Variants in NOS1AP observed in about 807,000 individuals in gnomAD.
NOS1AP encodes the protein carboxyl-terminal PDZ ligand of neuronal nitric oxide synthase protein.
In NOS1AP, 21 loss-of-function variants were observed where a neutral mutation model predicts 56.2. That is an observed-to-expected ratio of 0.37 (90% CI 0.26 to 0.54). The LOEUF (loss-of-function observed/expected upper bound fraction) is 0.54, where lower values mean the gene tolerates loss of function less well. NOS1AP is among the 20% of genes least tolerant of loss of function. The probability of loss-of-function intolerance (pLI) is 0.84; values close to 1 mark genes in which losing one functional copy is unlikely to be tolerated. For synonymous variants in NOS1AP, 270 were observed against 274.6 expected (o/e 0.98, Z 0.17); for missense variants, 522 against 657.8 (o/e 0.79, Z 2.26).
chr1:162,156,774 T>G (rs980865850), intron 2 of NOS1AP, among the ~76,000 whole-genome samples: 17 of 152,208 alleles, frequency 1.1e-4, no homozygotes, highest in Non-Finnish European at 2.2e-4. Flanking sequence ...TTATTTTATT[T>G]ATTATTTACA....
At chr1:162,175,016 G>C (rs1052985365) in intron 2 of NOS1AP, among the ~76,000 whole-genome samples, 1 of 152,192 alleles carries the variant, frequency 6.6e-6, no homozygotes, top group African/African-American at 2.4e-5. Context: ...AGAGAGGTAA[G>C]ATGGCATTCT....
intron 2 of NOS1AP, among the ~76,000 whole-genome samples, chr1:162,180,347 C>T (rs1425375239): frequency 6.6e-6 from 1 of 152,156 alleles, no homozygotes; most frequent in Non-Finnish European, 1.5e-5. Flanking sequence ...CGGGTTCACG[C>T]CGTTCTTCTG....
At chr1:162,166,241 T>C (rs1188294005) in intron 2 of NOS1AP, among the ~76,000 whole-genome samples, 2 of 152,214 alleles carry the variant, frequency 1.3e-5, no homozygotes, top group African/African-American at 4.8e-5. Flanking sequence ...GCTGCCTGGC[T>C]CATCTGTATA....
chr1:162,349,767 C>G (rs376952624), intron 6 of NOS1AP, among the ~76,000 whole-genome samples: 1 of 152,192 alleles, frequency 6.6e-6, no homozygotes, highest in African/African-American at 2.4e-5. Flanking sequence ...CAAGGCCTCT[C>G]CAGTACTGAT....
chr1:162,144,083 A>C (rs1649349147), intron 1 of NOS1AP, among the ~76,000 whole-genome samples: 2 of 152,188 alleles, frequency 1.3e-5, no homozygotes, highest in African/African-American at 4.8e-5. Context: ...AGATGAACCA[A>C]ATAGGGATCC....
chr1:162,073,389 C>A (rs1262466102), intron 1 of NOS1AP, among the ~76,000 whole-genome samples: 2 of 152,210 alleles, frequency 1.3e-5, no homozygotes, highest in African/African-American at 4.8e-5. Flanking sequence ...TGAGTCACAG[C>A]TCTCTAGTGG....
chr1:162,313,961 A>G (rs1352900349), intron 4 of NOS1AP, among the ~76,000 whole-genome samples: 2 of 152,230 alleles, frequency 1.3e-5, no homozygotes, highest in African/African-American at 4.8e-5. Context: ...GGTGGGGACC[A>G]TGCATGTTTT....
intron 2 of NOS1AP, among the ~76,000 whole-genome samples, chr1:162,276,270 T>C (rs1328844049): frequency 6.6e-6 from 1 of 152,156 alleles, no homozygotes; most frequent in African/African-American, 2.4e-5. Context: ...GTTCATTTGT[T>C]GTCATAGAAA....
intron 1 of NOS1AP, among the ~76,000 whole-genome samples, chr1:162,119,629 C>T (rs972253649): frequency 3.3e-5 from 5 of 152,142 alleles, no homozygotes; most frequent in Admixed American, 2.0e-4. Context: ...TATTAGGAAC[C>T]TACTTGCATG....
intron 1 of NOS1AP, among the ~76,000 whole-genome samples, chr1:162,090,852 T>A (rs1248487607): frequency 6.6e-6 from 1 of 152,196 alleles, no homozygotes; most frequent in Non-Finnish European, 1.5e-5. Context: ...TTTAAAAATA[T>A]GTCTTTTTGG....
intron 2 of NOS1AP, among the ~76,000 whole-genome samples, chr1:162,270,909 G>A (rs1421068038): frequency 6.6e-6 from 1 of 152,106 alleles, no homozygotes; most frequent in Admixed American, 6.5e-5. Context: ...TTTGAGGCTC[G>A]TCCACTGAAC....
Position 162,125,130 on chromosome 1 carries a change from C to CTTTTTTTTTTTTTTTTTTTTTTTTTT in NOS1AP, c.106-29254_106-29253insTTTTTTTTTTTTTTTTTTTTTTTTTT, listed in dbSNP as rs56264198. On this transcript the variant is annotated intron_variant, in intron 1 of 9. Transcript: ENST00000361897. ...ATGCCAACATCTATTGTTTCTGACTCTTTTTTTTTTTTTTTTTTTTTAAGA... is the reference window on the plus strand; with the variant it reads ...ATGCCAACATCTATTGTTTCTGACTCTTTTTTTTTTTTTTTTTTTTTTTTTTTTTTTTTTTTTTTTTTTTTTTAAGA... Among the ~76,000 whole-genome samples, 11 of 124,136 alleles carry CTTTTTTTTTTTTTTTTTTTTTTTTTT rather than the reference C, an allele frequency of 8.9e-5. 1 individual carries two copies. The highest frequency in any genetic ancestry group is 3.6e-4 in the African/African-American group (11 of 30,952). The allele number at this position is 124,136 out of a possible 152,430, so 81.4% of individuals were successfully genotyped here.
At chr1:162,226,346 C>A (rs1207837656) in intron 2 of NOS1AP, among the ~76,000 whole-genome samples, 3 of 152,104 alleles carry the variant, frequency 2.0e-5, no homozygotes, top group African/African-American at 7.2e-5. Context: ...GGGATTTAGC[C>A]TTGAGCAAAA....
At chr1:162,259,258 C>A (rs1399048032) in intron 2 of NOS1AP, among the ~76,000 whole-genome samples, 1 of 152,160 alleles carries the variant, frequency 6.6e-6, no homozygotes, top group African/African-American at 2.4e-5. Context: ...GAAAGGCATT[C>A]CTAAGATGTT....
intron 1 of NOS1AP, among the ~76,000 whole-genome samples, chr1:162,152,160 A>G (rs1649740472): frequency 6.6e-6 from 1 of 152,174 alleles, no homozygotes; most frequent in African/African-American, 2.4e-5. Context: ...GATGGGTCCC[A>G]TCTGGGTATT....
At chr1:162,110,309 T>TTTTTTTTTTGAGACGG (rs1260546729) in intron 1 of NOS1AP, among the ~76,000 whole-genome samples, 1 of 151,268 alleles carries the variant, frequency 6.6e-6, no homozygotes, top group African/African-American at 2.5e-5. Context: ...AAATAACTTT[T>TTTTTTTTTTGAGACGG]AACATGCCCA....
At chr1:162,269,090 A>G (rs1654510834) in intron 2 of NOS1AP, among the ~76,000 whole-genome samples, 1 of 152,228 alleles carries the variant, frequency 6.6e-6, no homozygotes, top group African/African-American at 2.4e-5. Context: ...ACCAAAGATC[A>G]ATTTCTTTGC....
At chr1:162,296,320 G>C (rs1655461039) in intron 3 of NOS1AP, among the ~76,000 whole-genome samples, 1 of 152,142 alleles carries the variant, frequency 6.6e-6, no homozygotes, top group Non-Finnish European at 1.5e-5. Context: ...ATTTGCATTA[G>C]CTTCTTGAAT....
intron 3 of NOS1AP, 54 bp downstream of exon 3, chr1:162,287,490 C>A: frequency 8.7e-7 from 1 of 1,154,454 alleles, no homozygotes; most frequent in Non-Finnish European, 1.3e-6. Flanking sequence ...GGGAGGTAGG[C>A]ATGGGGTACC....
Sources: allele counts gnomAD v4.1 joint callset (sites outside exome capture counted in the v4.1 genomes callset), GRCh38; gene constraint gnomAD v4.1.1; transcripts MANE v1.5; gene names NCBI Gene and HGNC (gene_info 2026-07-23, HGNC 2026-07-21).